Variants in TENM3 observed in about 807,000 individuals in gnomAD.
TENM3 encodes teneurin transmembrane protein 3, also known as teneurin-3.
TENM3 carries 63 observed loss-of-function variants against 255.1 expected under a neutral mutation model. That is an observed-to-expected ratio of 0.25 (90% confidence interval 0.20 to 0.30). The LOEUF is 0.30. TENM3 is among the 10% of genes least tolerant of loss of function. The pLI is 1.00. For synonymous variants in TENM3, 1,306 were observed against 1,322.3 expected (o/e 0.99, Z 0.27); for missense variants, 2,929 against 3,461.1 (o/e 0.85, Z 3.86).
At chr4:181,605,143 C>T in the TENM3 span, among the ~76,000 whole-genome samples, 5 of 151,972 alleles carry the variant, frequency 3.3e-5, no homozygotes, top group African/African-American at 1.2e-4. Context: ...CGTAAGGGAC[C>T]AGGTAAGAAA....
chr4:182,015,231 A>G, the TENM3 span, among the ~76,000 whole-genome samples: 1 of 152,128 alleles, frequency 6.6e-6, no homozygotes, highest in Admixed American at 6.5e-5. Context: ...TGGGACCACC[A>G]CCAGCTGCCT....
chr4:182,298,299 T>C (rs1196274682), intron 1 of TENM3, among the ~76,000 whole-genome samples: 1 of 152,016 alleles, frequency 6.6e-6, no homozygotes, highest in Admixed American at 6.6e-5. Context: ...TGAGAAATAG[T>C]TGTTGGATAA....
intron 3 of TENM3, among the ~76,000 whole-genome samples, chr4:182,544,598 G>A (rs887651499): frequency 1.3e-5 from 2 of 151,916 alleles, no homozygotes; most frequent in South Asian, 4.1e-4. Flanking sequence ...CACCGCGCCC[G>A]GCCTGCATTG....
At chr4:181,596,862 A>T in the TENM3 span, among the ~76,000 whole-genome samples, 1 of 152,154 alleles carries the variant, frequency 6.6e-6, no homozygotes, top group Non-Finnish European at 1.5e-5. Context: ...GTTGTCACTT[A>T]TAAGCGGGAG....
chr4:181,786,751 A>G, the TENM3 span, among the ~76,000 whole-genome samples: 485 of 150,772 alleles, frequency 3.2e-3, 3 homozygotes, highest in Non-Finnish European at 5.6e-3. Context: ...GGAAAATTCC[A>G]TAGGGAGTCG....
At chr4:181,481,004 C>T in the TENM3 span, among the ~76,000 whole-genome samples, 9 of 151,544 alleles carry the variant, frequency 5.9e-5, no homozygotes, top group East Asian at 9.7e-4. Context: ...TTGACATTCA[C>T]CATGAAACGA....
intron 13 of TENM3, among the ~76,000 whole-genome samples, chr4:182,715,179 A>G (rs1759060626): frequency 6.6e-6 from 1 of 152,152 alleles, no homozygotes; most frequent in Non-Finnish European, 1.5e-5. Context: ...CACCGCACCC[A>G]GCCAGCTGTT....
the TENM3 span, among the ~76,000 whole-genome samples, chr4:182,035,952 C>T: frequency 6.6e-6 from 1 of 152,140 alleles, no homozygotes; most frequent in African/African-American, 2.4e-5. Flanking sequence ...CTTCTCTCAC[C>T]TCCTCAAACT....
the TENM3 span, among the ~76,000 whole-genome samples, chr4:181,923,178 G>A: frequency 6.6e-6 from 1 of 152,140 alleles, no homozygotes; most frequent in African/African-American, 2.4e-5. Flanking sequence ...TTTGGAATAG[G>A]TGTGGTGCGG....
upstream of TENM3, chr4:182,141,833 G>A (rs544350449): frequency 6.6e-6 from 1 of 152,098 alleles, no homozygotes; most frequent in African/African-American, 2.4e-5. Context: ...AAAAAGAGCT[G>A]GAAAAAAGAA....
chr4:182,637,179 C>CT (rs1390133512), intron 5 of TENM3, among the ~76,000 whole-genome samples: 1 of 152,088 alleles, frequency 6.6e-6, no homozygotes, highest in Non-Finnish European at 1.5e-5. Context: ...AGCATAAAAC[C>CT]TTTAAGTTTC....
the TENM3 span, among the ~76,000 whole-genome samples, chr4:181,448,794 C>A: frequency 6.6e-6 from 1 of 152,136 alleles, no homozygotes; most frequent in South Asian, 2.1e-4. Context: ...TTTATAAAGA[C>A]TGCAGCTTCA....
the TENM3 span, among the ~76,000 whole-genome samples, chr4:182,093,916 G>T: frequency 6.6e-6 from 1 of 152,142 alleles, no homozygotes; most frequent in Non-Finnish European, 1.5e-5. Context: ...CAAAGAAAAT[G>T]TTTTAATATA....
the TENM3 span, among the ~76,000 whole-genome samples, chr4:181,845,266 A>G: frequency 2.6e-5 from 4 of 152,198 alleles, no homozygotes; most frequent in Non-Finnish European, 4.4e-5. Context: ...TTGAAGCTCT[A>G]TAGTAATAAG....
chr4:182,336,264 T>A (rs2150584135), intron 2 of TENM3, among the ~76,000 whole-genome samples: 1 of 152,274 alleles, frequency 6.6e-6, no homozygotes, highest in Admixed American at 6.5e-5. Flanking sequence ...AAATGCATAC[T>A]GATTCTTATC....
the TENM3 span, among the ~76,000 whole-genome samples, chr4:182,036,784 A>G: frequency 1.1e-4 from 16 of 152,322 alleles, no homozygotes; most frequent in African/African-American, 2.9e-4. Flanking sequence ...TAAAAAAGTT[A>G]TTAATTTTCC....
At chr4:181,752,486 A>T in the TENM3 span, among the ~76,000 whole-genome samples, 1 of 152,114 alleles carries the variant, frequency 6.6e-6, no homozygotes, top group Non-Finnish European at 1.5e-5. Flanking sequence ...CTGGAGGCGG[A>T]TGTTTCAGTA....
At chr4:181,826,709 C>G in the TENM3 span, among the ~76,000 whole-genome samples, 2 of 152,156 alleles carry the variant, frequency 1.3e-5, no homozygotes, top group African/African-American at 4.8e-5. Context: ...TAGAATCACC[C>G]AGGGAGTTTT....
At chr4:182,741,920 G>T (rs548413002) in intron 18 of TENM3, among the ~76,000 whole-genome samples, 46 of 152,276 alleles carry the variant, frequency 3.0e-4, no homozygotes, top group South Asian at 1.0e-3. Flanking sequence ...ATCCCGAAGT[G>T]GGGGGAAAAA....
Sources: gnomAD v4.1 joint callset for allele counts (sites outside exome capture counted in the v4.1 genomes callset) on GRCh38, gnomAD v4.1.1 for gene constraint, MANE v1.5 for transcripts, NCBI Gene and HGNC (gene_info 2026-07-23, HGNC 2026-07-21) for gene names.